The following MARCHF1 variants were observed in gnomAD, a reference collection of about 807,000 sequenced individuals.
The protein encoded by MARCHF1 is E3 ubiquitin-protein ligase MARCHF1.
MARCHF1 carries 40 observed loss-of-function variants against 54.2 expected under a neutral mutation model. The ratio of observed to expected loss-of-function variants is 0.74; its 90% CI spans 0.57 to 0.96. MARCHF1 has a LOEUF of 0.96. Among genes scored for constraint, MARCHF1 ranks in the 40% least tolerant of loss-of-function variants. The probability of loss-of-function intolerance (pLI) is 0.00; values close to 1 mark genes in which losing one functional copy is unlikely to be tolerated. For synonymous variants in MARCHF1, 236 were observed against 236.3 expected (o/e 1.00, Z 0.01); for missense variants, 586 against 656.5 (o/e 0.89, Z 1.17).
intron 2 of MARCHF1, among the ~76,000 whole-genome samples, chr4:164,022,032 A>C (rs1234480098): frequency 6.6e-6 from 1 of 152,098 alleles, no homozygotes; most frequent in African/African-American, 2.4e-5. Context: ...CATCAATTCC[A>C]GTTATTCCCT....
At chr4:164,118,896 A>C (rs1755997144) in intron 1 of MARCHF1, among the ~76,000 whole-genome samples, 1 of 151,628 alleles carries the variant, frequency 6.6e-6, no homozygotes, top group Non-Finnish European at 1.5e-5. Context: ...ATAACACCAC[A>C]ACTACCATTA....
chr4:163,934,576 TAAAA>T (rs551026107), intron 3 of MARCHF1, among the ~76,000 whole-genome samples: 1,361 of 77,922 alleles, frequency 0.017, 20 homozygotes, highest in African/African-American at 0.056. Flanking sequence ...TCTTTTTAAG[TAAAA>T]AAAAAAAAAA....
At chr4:163,803,415 C>T (rs775007395) in intron 4 of MARCHF1, among the ~76,000 whole-genome samples, 18 of 149,042 alleles carry the variant, frequency 1.2e-4, no homozygotes, top group African/African-American at 4.2e-4. Flanking sequence ...TCATATGATC[C>T]GCCCACCGGG....
chr4:164,235,380 G>A (rs7659688), intron 1 of MARCHF1, among the ~76,000 whole-genome samples: 141,963 of 152,236 alleles, frequency 0.93, 66,230 homozygotes, highest in African/African-American at 0.96. Context: ...ATATGTTTCA[G>A]AAAATTATTG....
At chr4:164,114,207 C>A (rs1181565131) in intron 1 of MARCHF1, among the ~76,000 whole-genome samples, 1 of 151,824 alleles carries the variant, frequency 6.6e-6, no homozygotes, top group Admixed American at 6.6e-5. Context: ...AAATGATTAA[C>A]CAATCAACTA....
chr4:164,281,873 C>G (rs1456944315), intron 1 of MARCHF1, among the ~76,000 whole-genome samples: 1 of 152,134 alleles, frequency 6.6e-6, no homozygotes, highest in Non-Finnish European at 1.5e-5. Flanking sequence ...TAACAAATGA[C>G]TTGAACTCAT....
chr4:163,546,798 T>G (rs1433424501), intron 8 of MARCHF1, among the ~76,000 whole-genome samples: 2 of 152,228 alleles, frequency 1.3e-5, no homozygotes, highest in Non-Finnish European at 2.9e-5. Context: ...GCCGCAAGTT[T>G]TATTGAAGTT....
intron 1 of MARCHF1, among the ~76,000 whole-genome samples, chr4:164,376,679 G>A (rs1276573131): frequency 6.6e-6 from 1 of 152,170 alleles, no homozygotes; most frequent in Non-Finnish European, 1.5e-5. Flanking sequence ...GCTCCATGGT[G>A]GTGTTAGCTC....
At chr4:163,945,946 GTC>G (rs1387374727) in intron 3 of MARCHF1, among the ~76,000 whole-genome samples, 1 of 151,574 alleles carries the variant, frequency 6.6e-6, no homozygotes, top group Non-Finnish European at 1.5e-5. Flanking sequence ...TAGTTTTTAG[GTC>G]TCTGTTATGG....
chr4:164,136,441 C>T (rs913501742), intron 1 of MARCHF1, among the ~76,000 whole-genome samples: 1 of 151,962 alleles, frequency 6.6e-6, no homozygotes, highest in Non-Finnish European at 1.5e-5. Flanking sequence ...GAGTGAGTAA[C>T]CCAGCTTCCC....
chr4:163,675,960 T>C (rs1464620110), intron 5 of MARCHF1, among the ~76,000 whole-genome samples: 1 of 152,162 alleles, frequency 6.6e-6, no homozygotes, highest in Non-Finnish European at 1.5e-5. Context: ...TTTTTCCCAA[T>C]ATTTCTCTGT....
intron 4 of MARCHF1, among the ~76,000 whole-genome samples, chr4:163,798,129 T>C (rs1461342926): frequency 1.3e-5 from 2 of 152,152 alleles, no homozygotes; most frequent in Admixed American, 6.5e-5. Flanking sequence ...TTTAGGGAAA[T>C]AATTAAGGTT....
intron 1 of MARCHF1, among the ~76,000 whole-genome samples, chr4:164,208,926 C>T (rs1269786205): frequency 6.6e-6 from 1 of 151,880 alleles, no homozygotes; most frequent in African/African-American, 2.4e-5. Flanking sequence ...GTTTAGGCAA[C>T]AGAGTAATAC....
chr4:164,009,026 G>A (rs114210808), intron 2 of MARCHF1, among the ~76,000 whole-genome samples: 1,738 of 151,732 alleles, frequency 0.011, 18 homozygotes, highest in African/African-American at 0.04. Context: ...ACATAAACAC[G>A]GTGTTTGGAA....
chr4:163,544,810 A>G (rs1448276924), intron 9 of MARCHF1, among the ~76,000 whole-genome samples: 1 of 152,120 alleles, frequency 6.6e-6, no homozygotes, highest in African/African-American at 2.4e-5. Flanking sequence ...TATCTGAACA[A>G]TGTCTTTTCT....
chr4:164,013,773 T>C (rs1753478066), intron 2 of MARCHF1, among the ~76,000 whole-genome samples: 2 of 152,156 alleles, frequency 1.3e-5, no homozygotes. Flanking sequence ...AATATTACAT[T>C]AATCAAAGTT....
intron 5 of MARCHF1, among the ~76,000 whole-genome samples, chr4:163,616,173 G>T (rs527844711): frequency 6.6e-6 from 1 of 152,074 alleles, no homozygotes; most frequent in Non-Finnish European, 1.5e-5. Context: ...GTTTTTGTGG[G>T]TACGACTTCA....
intron 1 of MARCHF1, among the ~76,000 whole-genome samples, chr4:164,366,472 T>C (rs1312005370): frequency 2.6e-5 from 4 of 152,028 alleles, no homozygotes; most frequent in African/African-American, 9.6e-5. Context: ...CTGTGTTGCA[T>C]ACATTCAAGT....
chr4:163,806,243 C>G (rs1748221238), intron 4 of MARCHF1, among the ~76,000 whole-genome samples: 1 of 152,216 alleles, frequency 6.6e-6, no homozygotes, highest in Non-Finnish European at 1.5e-5. Context: ...TGACATCCTT[C>G]TTTTATTTCT....
Sources: allele counts gnomAD v4.1 joint callset (sites outside exome capture counted in the v4.1 genomes callset), GRCh38; gene constraint gnomAD v4.1.1; transcripts MANE v1.5; gene names NCBI Gene and HGNC (gene_info 2026-07-23, HGNC 2026-07-21).